Variants in TMEM63B observed in about 807,000 individuals in gnomAD.
TMEM63B encodes the protein transmembrane protein 63B.
A neutral mutation model predicts 102.6 loss-of-function variants in TMEM63B; 23 were observed. The ratio of observed to expected loss-of-function variants is 0.22; its 90% CI spans 0.16 to 0.32. TMEM63B has a LOEUF of 0.32. Among genes scored for constraint, TMEM63B ranks in the 10% least tolerant of loss-of-function variants. TMEM63B has a pLI of 1.00. For missense variants in TMEM63B, 628 were observed against 1,095.9 expected (o/e 0.57, Z 6.03); for synonymous variants, 444 against 437.0 (o/e 1.02, Z -0.20).
At position 44,138,506 on chromosome 6, in the gene TMEM63B, C is replaced by A; in HGVS notation, c.396C>A (p.Ile132=). ...DNGFCSWLTA[I]FRIKDDEIRD... is the part of the protein sequence containing the mutation. ...GTTTCTGTTCCTGGCTGACAGCCAT[C>A]TTCAGGATAAAGTAAGTGGACCATC... Residue 132 remains isoleucine, a synonymous_variant, in exon 6 of 24, where the codon ATC becomes ATA. Coordinates refer to ENST00000323267, the MANE Select transcript of TMEM63B (RefSeq NM_018426.3). 6.2e-7 allele frequency: 1 copy of A among 1,614,074 alleles called. No homozygotes were observed. The highest frequency in any genetic ancestry group is 8.5e-7 in the Non-Finnish European group (1 of 1,180,000).
Position 44,149,000 on chromosome 6 carries a change from A to C in TMEM63B, c.1413+55A>C. On this transcript the variant is annotated intron_variant, in intron 15 of 23. Transcript: ENST00000323267. The surrounding 1 kb of genome is among the most constrained non-coding windows in gnomAD (Gnocchi z 5.1). ...CGCTGGGTCACAACACACAGATACC[A>C]GGCCCTGATCCCTCTTCCACTTGCC... is the stretch of plus-strand genomic sequence containing the variant. The C allele has an allele frequency of 6.2e-7, 1 of 1,612,788 alleles. No individual in the cohort carries two copies. The highest frequency in any genetic ancestry group is 8.5e-7 in the Non-Finnish European group (1 of 1,179,780).
Position 44,135,359 on chromosome 6 carries a change from C to T in TMEM63B, c.271C>T (p.Gln91Ter), listed in dbSNP as rs773850038. 1 of 1,612,802 alleles carries T rather than the reference C, an allele frequency of 6.2e-7. No homozygotes were observed. The highest frequency in any genetic ancestry group is 8.5e-7 in the Non-Finnish European group (1 of 1,179,308). Reference protein sequence around the residue: ...LRRQERDRVEQEYVASAMHGD... With the variant: ...LRRQERDRVE ...GCGGCAGGAGAGGGACCGAGTGGAA[C>T]AGGAATAGTATGTGGGGCACCAGCC... Residue 91 changes from glutamine (Q) to a stop codon, truncating the protein, a stop_gained, in exon 4 of 24, where the codon CAG becomes TAG. Coordinates refer to ENST00000323267, the MANE Select transcript of TMEM63B (RefSeq NM_018426.3). LOFTEE classifies it high-confidence loss of function.
At position 44,153,764 on chromosome 6, in the gene TMEM63B, C is replaced by T. The variant is rs761584871; in HGVS notation, c.2031C>T (p.His677=). ...YLPAKLDKKI[H]SGAVNQVVAA... is the part of the protein sequence containing the mutation. ...CGGCCAAGCTGGACAAGAAGATCCA[C>T]TCGGGGGCTGTGAACCAGGTGGTGG... The change falls in exon 21 of 24, where the codon CAC becomes CAT. Residue 677 remains histidine (H), a synonymous_variant. Transcript: ENST00000323267. 2 of 1,614,054 alleles carry T rather than the reference C, an allele frequency of 1.2e-6. No individual in the cohort carries two copies. The highest frequency in any genetic ancestry group is 2.2e-5 in the East Asian group (1 of 44,898).
At position 44,148,200 on chromosome 6, in the gene TMEM63B, G is replaced by T. The variant is rs1454585409; in HGVS notation, c.988-52G>T. 1 of 1,607,702 alleles carries T rather than the reference G, an allele frequency of 6.2e-7. No individual in the cohort carries two copies. Among genetic ancestry groups the T allele is most frequent in the East Asian group, 2.2e-5 (1 of 44,804 alleles). ...AGTCAGCGTGGGCTGGATGCTGCAGGCCCCAGCCTGGCTTTCCAACTAGAG... is the reference window on the plus strand; with the variant it reads ...AGTCAGCGTGGGCTGGATGCTGCAGTCCCCAGCCTGGCTTTCCAACTAGAG... On this transcript the variant is annotated intron_variant, in intron 12 of 23. Transcript: ENST00000323267. This position sits in a 1 kb window ranked among gnomAD's most constrained non-coding sequence, Gnocchi z 5.1.
intron 11 of TMEM63B, among the ~76,000 whole-genome samples, 162 bp from the exon 12 acceptor site, chr6:44,147,215 C>T (rs773808312): frequency 1.3e-5 from 2 of 152,066 alleles, no homozygotes; most frequent in Non-Finnish European, 2.9e-5. Flanking sequence ...ACTTCTGGCC[C>T]TCTAGGGATG....
Position 44,139,603 on chromosome 6 carries a change from C to T in TMEM63B, c.544C>T (p.Leu182=), listed in dbSNP as rs1458912469. 1 of 1,614,174 alleles carries T rather than the reference C, an allele frequency of 6.2e-7. No individual in the cohort carries two copies. The highest frequency in any genetic ancestry group is 2.2e-5 in the East Asian group (1 of 44,880). ...IVLPVNFSGD[L]LENNAYSFGR... ...GCTGCCTGTCAACTTCTCAGGGGAC[C>T]TGCTGGGTCAGTGAGGGCCAGGACG... The change falls in exon 7 of 24, where the codon CTG becomes TTG. Residue 182 remains leucine, a synonymous_variant. Coordinates refer to ENST00000323267, the MANE Select transcript of TMEM63B (RefSeq NM_018426.3).
At chr6:44,140,613 TG>T in intron 9 of TMEM63B, 2 of 606,730 alleles carry the variant, frequency 3.3e-6, no homozygotes, top group South Asian at 3.5e-5. Flanking sequence ...GCCCAGCACT[TG>T]GGAAAATAGC....
intron 10 of TMEM63B, among the ~76,000 whole-genome samples, chr6:44,141,703 G>A (rs1346317374): frequency 1.3e-5 from 2 of 152,188 alleles, no homozygotes; most frequent in Non-Finnish European, 2.9e-5. Context: ...CCCCTCCATG[G>A]GGGTGTGTAG....
At chr6:44,130,463 C>T (rs1323899469) in intron 1 of TMEM63B, among the ~76,000 whole-genome samples, 8 of 149,818 alleles carry the variant, frequency 5.3e-5, no homozygotes, top group Non-Finnish European at 7.4e-5. Flanking sequence ...TTTTTAGACA[C>T]GGTCTCTGTC....
At position 44,146,833 on chromosome 6, in the gene TMEM63B, G is replaced by GA. The variant is rs1765524943; in HGVS notation, c.783-12dup. ...GGGGTCCCTGCACAAGATGATACAT[G>GA]AACTGTGTTTCAGGGAAGCCTACCC... On this transcript the variant is annotated splice_polypyrimidine_tract_variant and intron_variant, in intron 10 of 23. Coordinates refer to ENST00000323267, the MANE Select transcript of TMEM63B (RefSeq NM_018426.3). The GA allele has an allele frequency of 6.2e-7, 1 of 1,613,688 alleles. No homozygotes were observed. The highest frequency in any genetic ancestry group is 8.5e-7 in the Non-Finnish European group (1 of 1,179,756).
intron 1 of TMEM63B, among the ~76,000 whole-genome samples, chr6:44,134,039 T>C (rs1427318112): frequency 6.6e-6 from 1 of 152,184 alleles, no homozygotes. Flanking sequence ...TTCAAAACTC[T>C]AACCAAATGA....
Position 44,148,024 on chromosome 6 carries a change from G to C in TMEM63B, c.988-228G>C, listed in dbSNP as rs936098689. On this transcript the variant is annotated intron_variant, in intron 12 of 23. Transcript: ENST00000323267. The surrounding 1 kb of genome is among the most constrained non-coding windows in gnomAD (Gnocchi z 5.1). ...TGTATTCCCAGCCACTTGGGAGGCTGAGGTGGGAGGGTCACTTTAGCCTGG... is the reference window on the plus strand; with the variant it reads ...TGTATTCCCAGCCACTTGGGAGGCTCAGGTGGGAGGGTCACTTTAGCCTGG... Among the ~76,000 whole-genome samples, 4 of 152,214 alleles carry C rather than the reference G, an allele frequency of 2.6e-5. No homozygotes were observed. The highest frequency in any genetic ancestry group is 5.9e-5 in the Non-Finnish European group (4 of 68,042).
intron 11 of TMEM63B, among the ~76,000 whole-genome samples, chr6:44,147,174 T>C (rs1017598275): frequency 6.6e-6 from 1 of 152,048 alleles, no homozygotes; most frequent in African/African-American, 2.4e-5. Context: ...TTGGCTACAG[T>C]ATGAGAAATT....
At chr6:44,127,505 C>G (rs1318341249), upstream of TMEM63B, 1 of 150,788 alleles carries the variant, frequency 6.6e-6, no homozygotes, top group Admixed American at 6.6e-5. Context: ...GGGGCGGGAC[C>G]TGCGGGGCTC....
At chr6:44,147,272 A>G (rs1765612719) in intron 11 of TMEM63B, 105 bp from the exon 12 acceptor site, 1 of 1,571,354 alleles carries the variant, frequency 6.4e-7, no homozygotes, top group Non-Finnish European at 8.7e-7. Context: ...ATGTATCCTA[A>G]ACAAGAACAA....
intron 1 of TMEM63B, among the ~76,000 whole-genome samples, chr6:44,133,998 C>A (rs925042289): frequency 4.6e-5 from 7 of 152,214 alleles, no homozygotes; most frequent in African/African-American, 1.4e-4. Flanking sequence ...CTACTCTGAC[C>A]CATCGTCGAA....
chr6:44,135,079 G>A lies in TMEM63B; in HGVS notation c.222G>A (p.Leu74=), dbSNP rs200084588. 3.1e-6 allele frequency: 5 copies of A among 1,614,238 alleles called. No individual in the cohort carries two copies. The highest frequency in any genetic ancestry group is 4.2e-6 in the Non-Finnish European group (5 of 1,180,038). ...CCTGGGACTATGGGCGGCTGGCCTTGGTGACAGATGCAGACAGGTAAGGGT... is the reference window on the plus strand; with the variant it reads ...CCTGGGACTATGGGCGGCTGGCCTTAGTGACAGATGCAGACAGGTAAGGGT... ...KVAWDYGRLA[L]VTDADRLRRQ... The change falls in exon 3 of 24, where the codon TTG becomes TTA. Residue 74 remains leucine (L), a synonymous_variant. Transcript: ENST00000323267.
rs1233468784 is a variant in TMEM63B, at chr6:44,152,211, GC to G, written c.1836+207del. 1.3e-5 allele frequency among the ~76,000 whole-genome samples: 2 copies of G among 152,120 alleles called. No homozygotes were observed. The highest frequency in any genetic ancestry group is 4.8e-5 in the African/African-American group (2 of 41,408). ...TGGGTGGACATAGGTAACCCTGAAG[GC>G]CCCTGCCAGTTCTGACAGTAGCATT... On this transcript the variant is annotated intron_variant, in intron 19 of 23. Transcript: ENST00000323267. This position sits in a 1 kb window ranked among gnomAD's most constrained non-coding sequence, Gnocchi z 6.4.
In TMEM63B at chr6:44,152,638, A is replaced by T; in HGVS notation, c.1882A>T (p.Met628Leu). Residue 628 changes from methionine to leucine, a missense_variant, in exon 20 of 24, where the codon ATG (methionine) becomes TTG (leucine). Coordinates refer to ENST00000323267, the MANE Select transcript of TMEM63B (RefSeq NM_018426.3). The surrounding 1 kb of genome is among the most constrained non-coding windows in gnomAD (Gnocchi z 6.4). ...GTTTGGCGCAGCCTACGCCTGGATG[A>T]TGTGCGTCTTCACGGTGGTCATGAC... ...FQFGAAYAWM[M>L]CVFTVVMTYS... 6.2e-7 allele frequency: 1 copy of T among 1,608,466 alleles called. No individual in the cohort carries two copies. The highest frequency in any genetic ancestry group is 8.5e-7 in the Non-Finnish European group (1 of 1,179,896).
Sources: gnomAD v4.1 joint callset for allele counts (sites outside exome capture counted in the v4.1 genomes callset) on GRCh38, gnomAD v4.1.1 for gene constraint, Gnocchi (gnomAD v3.1) non-coding constraint, MANE v1.5 for transcripts, NCBI Gene and HGNC (gene_info 2026-07-23, HGNC 2026-07-21) for gene names.